XIAP: variants seen among roughly 807,000 people sequenced by gnomAD.
XIAP encodes the protein E3 ubiquitin-protein ligase XIAP.
Under a neutral mutation model 33.1 loss-of-function variants are expected in XIAP, and 3 were observed. The ratio of observed to expected loss-of-function variants is 0.09; its 90% CI spans 0.04 to 0.23. The LOEUF is 0.23. Ranked by LOEUF, XIAP falls within the 10% of genes least tolerant of loss-of-function variation. The pLI, the probability that XIAP is intolerant of heterozygous loss-of-function variation, is 1.00. For missense variants in XIAP, 264 were observed against 363.0 expected (o/e 0.73, Z 2.22); for synonymous variants, 98 against 121.3 (o/e 0.81, Z 1.26).
chrX:123,885,518 C>G, intron 1 of XIAP, 113 bp from the exon 2 acceptor site: 3 of 548,841 alleles, frequency 5.5e-6, no homozygotes, highest in Non-Finnish European at 8.7e-6. Flanking sequence ...TGTTTCTTAG[C>G]GGTCGTGTAG....
rs1424655367 is a variant in XIAP at position 123,906,968 on chromosome X, A to G, written c.1301-20A>G. Reference sequence around the variant, plus strand: ...ACTAAGAGAGTCTAAAACTAGCATAATTATTTTCTCTTTTTGCAGAGATTA... The same window carrying G: ...ACTAAGAGAGTCTAAAACTAGCATAGTTATTTTCTCTTTTTGCAGAGATTA... On this transcript the variant is annotated intron_variant, in intron 6 of 6. Coordinates refer to ENST00000371199, the MANE Select transcript of XIAP (RefSeq NM_001167.4). The G allele has an allele frequency of 1.7e-6, 2 of 1,208,929 alleles. No homozygotes were observed. The highest frequency in any genetic ancestry group is 4.4e-5 in the Admixed American group (2 of 45,854).
At chrX:123,891,649 T>C (rs1345800412) in intron 4 of XIAP, among the ~76,000 whole-genome samples, 2 of 109,558 alleles carry the variant, frequency 1.8e-5, no homozygotes, top group Non-Finnish European at 3.8e-5. Flanking sequence ...AGACCCTGTC[T>C]CTACAAAAAA....
rs752335325 is a variant in XIAP, at chrX:123,860,137, G to C, written c.-189G>C. On this transcript the variant is annotated 5_prime_UTR_variant, in exon 1 of 7. Coordinates refer to ENST00000371199, the MANE Select transcript of XIAP (RefSeq NM_001167.4). ...CCGGCCGGTAGAGGCGCGTGAGGGA[G>C]ACGAAGGGACTTCCGTTTCCTTCAC... 3.0e-6 allele frequency: 1 copy of C among 328,297 alleles called. No homozygotes were observed. Among genetic ancestry groups the C allele is most frequent in the African/African-American group, 2.6e-5 (1 of 37,940 alleles). The allele number at this position is 328,297 out of a possible 1,213,427, so 27.1% of individuals were successfully genotyped here.
chrX:123,910,403 AT>A lies in XIAP; in HGVS notation c.*3226del, dbSNP rs1043165831. The A allele has an allele frequency of 3.1e-6, 1 of 327,493 alleles. No individual in the cohort carries two copies. Among genetic ancestry groups the A allele is most frequent in the African/African-American group, 2.7e-5 (1 of 37,488 alleles). The allele number at this position is 327,493 out of a possible 1,213,427, so 27.0% of individuals were successfully genotyped here. A position where few individuals can be genotyped will look rare whatever the true frequency, so the allele number is the denominator to read the frequency against. On this transcript the variant is annotated 3_prime_UTR_variant, in exon 7 of 7. Transcript: ENST00000371199. ...TTCCATTTTAGTGGATAAAATTTGT[AT>A]TTTGAACTATGAATGGAGACTACCG...
intron 1 of XIAP, among the ~76,000 whole-genome samples, chrX:123,878,018 C>A (rs2053263559): frequency 9.1e-6 from 1 of 109,813 alleles, no homozygotes; most frequent in Non-Finnish European, 1.9e-5. Flanking sequence ...AGGAAAAATT[C>A]ACTGGGCTCT....
At chrX:123,877,064 T>A (rs1350120703) in intron 1 of XIAP, among the ~76,000 whole-genome samples, 1 of 109,584 alleles carries the variant, frequency 9.1e-6, no homozygotes, top group Admixed American at 9.8e-5. Flanking sequence ...AGTGAATTAA[T>A]TGCCTTTTTT....
At chrX:123,895,723 T>C (rs1039692691) in intron 5 of XIAP, among the ~76,000 whole-genome samples, 1 of 64,291 alleles carries the variant, frequency 1.6e-5, no homozygotes, top group Non-Finnish European at 3.1e-5. Flanking sequence ...CTATTGGCCA[T>C]TTGTAAATCT....
At chrX:123,899,677 CATT>C (rs1485690151) in intron 5 of XIAP, among the ~76,000 whole-genome samples, 1 of 107,627 alleles carries the variant, frequency 9.3e-6, no homozygotes, top group Non-Finnish European at 1.9e-5. Context: ...ATGTTTTGCT[CATT>C]ATATCTATGA....
chrX:123,913,538 G>C lies in XIAP; in HGVS notation c.*6357G>C, dbSNP rs41312771. On this transcript the variant is annotated 3_prime_UTR_variant, in exon 7 of 7. Coordinates refer to ENST00000371199, the MANE Select transcript of XIAP (RefSeq NM_001167.4). ...TGTTTGGGTGGTCAGATTCTACTTT[G>C]AATCTGAAGTTTGCAGATATGCCTA... The C allele has an allele frequency of 2.8e-5, 9 of 326,322 alleles. No individual in the cohort carries two copies. Among genetic ancestry groups the C allele is most frequent in the Non-Finnish European group, 5.3e-5 (9 of 169,340 alleles). 26.9% of individuals were successfully genotyped at this position (326,322 alleles called of 1,213,427 possible). A position where few individuals can be genotyped will look rare whatever the true frequency, so the allele number is the denominator to read the frequency against.
chrX:123,890,956 T>A (rs368016709), intron 3 of XIAP, among the ~76,000 whole-genome samples: 5 of 107,626 alleles, frequency 4.6e-5, no homozygotes, highest in East Asian at 2.9e-4. Context: ...AAAAAAAAAA[T>A]AACAAAAGTC....
chrX:123,896,851 G>A (rs1002857872), intron 5 of XIAP, among the ~76,000 whole-genome samples: 1 of 109,531 alleles, frequency 9.1e-6, no homozygotes, highest in East Asian at 2.8e-4. Context: ...CAAAGTGCTG[G>A]AATTACAGGC....
At chrX:123,900,748 C>A in intron 6 of XIAP, 55 bp downstream of exon 6, 1 of 1,091,085 alleles carries the variant, frequency 9.2e-7, no homozygotes, top group East Asian at 3.0e-5. Flanking sequence ...TGGCTCATAC[C>A]TGTAATCCCA....
chrX:123,864,767 CGTGTGTGTGTGTGTGTGT>C lies in XIAP; in HGVS notation c.-33+4507_-33+4524del, dbSNP rs752421505. On this transcript the variant is annotated intron_variant, in intron 1 of 6. Coordinates refer to ENST00000371199, the MANE Select transcript of XIAP (RefSeq NM_001167.4). The stretch of plus-strand genomic sequence containing the variant: ...ATGTTAGCCAGGATGGTCGCATTCT[CGTGTGTGTGTGTGTGTGT>C]GTGTGTGTGTGTGTGTGTGTGTGTG... Among the ~76,000 whole-genome samples, 263 of 52,657 alleles carry C rather than the reference CGTGTGTGTGTGTGTGTGT, an allele frequency of 5.0e-3. 4 individuals are homozygous for C. The highest frequency in any genetic ancestry group is 0.02 in the East Asian group (29 of 1,418). 45.7% of individuals were successfully genotyped at this position (52,657 alleles called of 115,157 possible). A position where few individuals can be genotyped will look rare whatever the true frequency, so the allele number is the denominator to read the frequency against.
intron 1 of XIAP, among the ~76,000 whole-genome samples, chrX:123,866,573 GTA>G (rs2053139900): frequency 1.0e-5 from 1 of 96,378 alleles, no homozygotes; most frequent in Non-Finnish European, 2.0e-5. Flanking sequence ...ATATAATATA[GTA>G]TATAATATAT....
At chrX:123,903,628 TTTGTTTTGTTTTTTG>T (rs1274297370) in intron 6 of XIAP, among the ~76,000 whole-genome samples, 12 of 42,986 alleles carry the variant, frequency 2.8e-4, no homozygotes, top group African/African-American at 1.2e-3. Flanking sequence ...AGTTTTTTTT[TTTGTTTTGTTTTTTG>T]TTTTTTTTAG....
In XIAP at chrX:123,909,586, C is replaced by G; in HGVS notation, c.*2405C>G. 1 of 328,985 alleles carries G rather than the reference C, an allele frequency of 3.0e-6. No homozygotes were observed. The allele number at this position is 328,985 out of a possible 1,213,427, so 27.1% of individuals were successfully genotyped here. ...TTCCAAGTCAGGTAGGTAGTTCAAT[C>G]TAGTTGTTAGCCAAGGACTCAAGGA... On this transcript the variant is annotated 3_prime_UTR_variant, in exon 7 of 7. Coordinates refer to ENST00000371199, the MANE Select transcript of XIAP (RefSeq NM_001167.4).
chrX:123,910,321 G>T lies in XIAP; in HGVS notation c.*3140G>T. ...AATGTGATTTGGCCCTGTGTATTATGATATTTTGTTATTTTTGTTGTTATA... is the reference window on the plus strand; with the variant it reads ...AATGTGATTTGGCCCTGTGTATTATTATATTTTGTTATTTTTGTTGTTATA... On this transcript the variant is annotated 3_prime_UTR_variant, in exon 7 of 7. Transcript: ENST00000371199. 3.0e-6 allele frequency: 1 copy of T among 329,175 alleles called. No individual in the cohort carries two copies. The highest frequency in any genetic ancestry group is 2.6e-5 in the South Asian group (1 of 38,456). The allele number at this position is 329,175 out of a possible 1,213,427, so 27.1% of individuals were successfully genotyped here. A position where few individuals can be genotyped will look rare whatever the true frequency, so the allele number is the denominator to read the frequency against.
chrX:123,865,624 T>C (rs975041131), intron 1 of XIAP, among the ~76,000 whole-genome samples: 3 of 109,518 alleles, frequency 2.7e-5, no homozygotes, highest in Admixed American at 2.0e-4. Context: ...CTTGGGAGGC[T>C]GAGGCAGGAG....
chrX:123,901,522 C>T (rs2053513980), intron 6 of XIAP, among the ~76,000 whole-genome samples: 1 of 111,892 alleles, frequency 8.9e-6, no homozygotes, highest in Non-Finnish European at 1.9e-5. Context: ...TCTTGACCAT[C>T]CTCCCTCCAA....
Sources: gnomAD v4.1 joint callset for allele counts (sites outside exome capture counted in the v4.1 genomes callset) on GRCh38, gnomAD v4.1.1 for gene constraint, MANE v1.5 for transcripts, NCBI Gene and HGNC (gene_info 2026-07-23, HGNC 2026-07-21) for gene names.